Variants in VWA8 observed in about 807,000 individuals in gnomAD.
VWA8 encodes the protein von Willebrand factor A domain containing 8, also known as von Willebrand factor A domain-containing protein 8.
In VWA8, 221 loss-of-function variants were observed where a neutral mutation model predicts 241.5. That is an observed-to-expected ratio of 0.91 (90% CI 0.82 to 1.02). VWA8 has a LOEUF of 1.02. Among genes scored for constraint, VWA8 ranks in the 50% least tolerant of loss-of-function variants. VWA8 has a pLI of 0.00. For missense variants in VWA8, 2,322 were observed against 2,328.7 expected (o/e 1.00, Z 0.06); for synonymous variants, 852 against 827.1 (o/e 1.03, Z -0.52).
chr13:41,634,084 T>C (rs2044742043), intron 37 of VWA8, among the ~76,000 whole-genome samples: 1 of 152,106 alleles, frequency 6.6e-6, no homozygotes, highest in Admixed American at 6.6e-5. Context: ...AAGTTGTGTA[T>C]GTTTGGCCAT....
chr13:41,693,045 T>C (rs1465152124), intron 29 of VWA8, 73 bp from the exon 30 acceptor site: 2 of 993,958 alleles, frequency 2.0e-6, no homozygotes, highest in Non-Finnish European at 3.0e-6. Flanking sequence ...AGCAACCTCT[T>C]GGCAACCTGA....
chr13:41,703,441 T>C (rs1044241217), intron 26 of VWA8, 30 bp from the exon 27 acceptor site: 1 of 1,598,348 alleles, frequency 6.3e-7, no homozygotes, highest in Non-Finnish European at 8.6e-7. Flanking sequence ...AAGTAAATAT[T>C]TCTTATTGTA....
At chr13:41,694,850 A>C (rs1169365257) in intron 29 of VWA8, among the ~76,000 whole-genome samples, 1 of 152,178 alleles carries the variant, frequency 6.6e-6, no homozygotes, top group Admixed American at 6.5e-5. Context: ...TTAGGGTCTA[A>C]TACTTACATA....
At chr13:41,589,158 C>T (rs1425097195) in intron 41 of VWA8, among the ~76,000 whole-genome samples, 2 of 152,208 alleles carry the variant, frequency 1.3e-5, no homozygotes, top group African/African-American at 4.8e-5. Context: ...CCCAGGAATA[C>T]AGGAGATCAC....
At chr13:41,747,583 C>A (rs901254911) in intron 21 of VWA8, among the ~76,000 whole-genome samples, 3 of 152,114 alleles carry the variant, frequency 2.0e-5, no homozygotes, top group African/African-American at 7.2e-5. Flanking sequence ...AATCGAATAC[C>A]CTTTATTTCC....
At chr13:41,608,133 G>C (rs2044564406) in intron 39 of VWA8, among the ~76,000 whole-genome samples, 1 of 152,150 alleles carries the variant, frequency 6.6e-6, no homozygotes, top group South Asian at 2.1e-4. Context: ...GATCTTTGCA[G>C]AGTGATCAGA....
Position 41,830,570 on chromosome 13 carries a change from T to C in VWA8, c.1659A>G (p.Leu553=), listed in dbSNP as rs374995205. The stretch of plus-strand genomic sequence containing the variant: ...CATCAGACAGTTGCAGCTCCTCCTT[T>C]AAACGCATATACCTGTCTTCTCTCA... ...RLLREDRYMR[L]KEELQLSDEQ... The change falls in exon 14 of 45, where the codon TTA becomes TTG. Residue 553 remains leucine, a synonymous_variant. Coordinates refer to ENST00000379310, the MANE Select transcript of VWA8 (RefSeq NM_015058.2). 4.3e-6 allele frequency: 7 copies of C among 1,613,920 alleles called. No homozygotes were observed. The highest frequency in any genetic ancestry group is 5.9e-6 in the Non-Finnish European group (7 of 1,179,900).
At chr13:41,652,657 A>T (rs1206351778) in intron 37 of VWA8, among the ~76,000 whole-genome samples, 2 of 152,208 alleles carry the variant, frequency 1.3e-5, no homozygotes, top group East Asian at 3.8e-4. Context: ...TGAAATGACT[A>T]CTTAAAACCA....
chr13:41,596,717 C>T (rs557956437), intron 40 of VWA8, among the ~76,000 whole-genome samples: 205 of 151,846 alleles, frequency 1.4e-3, no homozygotes, highest in African/African-American at 4.2e-3. Flanking sequence ...TACTTAGACT[C>T]ACTGAAATAC....
intron 39 of VWA8, among the ~76,000 whole-genome samples, chr13:41,607,917 C>G (rs2044563025): frequency 6.6e-6 from 1 of 152,014 alleles, no homozygotes; most frequent in Non-Finnish European, 1.5e-5. Flanking sequence ...ACATACGTCT[C>G]AAAAGCCTAA....
chr13:41,739,848 GTTTTTTTTGT>G (rs2045554856), intron 21 of VWA8, among the ~76,000 whole-genome samples: 12 of 50,916 alleles, frequency 2.4e-4, no homozygotes, highest in East Asian at 5.6e-4. Flanking sequence ...TGTTTTTTTT[GTTTTTTTTGT>G]TTTTTTTTTT....
chr13:41,714,090 A>G (rs990349766), intron 26 of VWA8, among the ~76,000 whole-genome samples: 1 of 152,086 alleles, frequency 6.6e-6, no homozygotes, highest in African/African-American at 2.4e-5. Context: ...GTAACATTAC[A>G]GGAGTTTTTA....
chr13:41,870,704 G>A (rs1873557801), intron 9 of VWA8, among the ~76,000 whole-genome samples: 1 of 151,036 alleles, frequency 6.6e-6, no homozygotes, highest in South Asian at 2.1e-4. Flanking sequence ...ACAAATAAAT[G>A]AGCTTAAATG....
intron 37 of VWA8, among the ~76,000 whole-genome samples, chr13:41,630,256 T>C (rs2044717685): frequency 6.8e-6 from 1 of 147,432 alleles, no homozygotes; most frequent in Admixed American, 6.6e-5. Flanking sequence ...AGAAAGGGTT[T>C]CTTTCCTTTT....
In VWA8 at chr13:41,732,099, A is replaced by G; in HGVS notation, c.2483T>C (p.Val828Ala). 1 of 1,613,338 alleles carries G rather than the reference A, an allele frequency of 6.2e-7. No individual in the cohort carries two copies. The highest frequency in any genetic ancestry group is 8.5e-7 in the Non-Finnish European group (1 of 1,179,532). ...LQPSVKDGLIVYEDSPLVKAV... is the reference protein window; with the variant it reads ...LQPSVKDGLIAYEDSPLVKAV... ...ACTAACCAAAGGTGAGTCTTCATAT[A>G]CAATAAGTCCGTCTTTAACCGAAGG... is the stretch of plus-strand genomic sequence containing the variant. The change falls in exon 22 of 45, where the codon GTA (valine) becomes GCA (alanine). Residue 828 changes from valine to alanine, a missense_variant. Val to Ala is a moderately conservative substitution (Grantham distance 64). Transcript: ENST00000379310.
chr13:41,613,424 G>C (rs2044602048), intron 38 of VWA8, among the ~76,000 whole-genome samples: 1 of 152,168 alleles, frequency 6.6e-6, no homozygotes, highest in Non-Finnish European at 1.5e-5. Context: ...AGGAGGAAAA[G>C]GTGTTTCTGG....
rs1237640308 is a variant in VWA8, at chr13:41,643,359, T to A, written c.4611+27587A>T. On this transcript the variant is annotated intron_variant, in intron 37 of 44. Coordinates refer to ENST00000379310, the MANE Select transcript of VWA8 (RefSeq NM_015058.2). ...CTGGACTCCCAGCCATTGCCAGTCATCACACTCCTCACTCTCCATTTTGCT... is the reference window on the plus strand; with the variant it reads ...CTGGACTCCCAGCCATTGCCAGTCAACACACTCCTCACTCTCCATTTTGCT... 2.0e-5 allele frequency among the ~76,000 whole-genome samples: 3 copies of A among 152,216 alleles called. No homozygotes were observed. The East Asian group carries it at 5.8e-4, about 29-fold the overall frequency.
intron 2 of VWA8, among the ~76,000 whole-genome samples, chr13:41,934,065 C>G (rs564144621): frequency 5.4e-5 from 8 of 149,016 alleles, no homozygotes; most frequent in African/African-American, 2.0e-4. Context: ...ATTTGCAAAT[C>G]TTATATCTGA....
At chr13:41,720,065 G>A (rs1189945313) in intron 25 of VWA8, among the ~76,000 whole-genome samples, 1 of 152,100 alleles carries the variant, frequency 6.6e-6, no homozygotes, top group African/African-American at 2.4e-5. Flanking sequence ...ATGAGTACCA[G>A]ATCGAACAGT....
Sources: gnomAD v4.1 joint callset for allele counts (sites outside exome capture counted in the v4.1 genomes callset) on GRCh38, gnomAD v4.1.1 for gene constraint, MANE v1.5 for transcripts, NCBI Gene and HGNC (gene_info 2026-07-23, HGNC 2026-07-21) for gene names.